GPHN: variants seen among roughly 807,000 people sequenced by gnomAD.
GPHN encodes the protein gephyrin.
A neutral mutation model predicts 95.5 loss-of-function variants in GPHN; 17 were observed. That is an observed-to-expected ratio of 0.18 (90% CI 0.12 to 0.27). The LOEUF (loss-of-function observed/expected upper bound fraction) is 0.27, where lower values mean the gene tolerates loss of function less well. Among genes scored for constraint, GPHN ranks in the 10% least tolerant of loss-of-function variants. The probability of loss-of-function intolerance (pLI) is 1.00; values close to 1 mark genes in which losing one functional copy is unlikely to be tolerated. For synonymous variants in GPHN, 320 were observed against 322.5 expected (o/e 0.99, Z 0.08); for missense variants, 660 against 978.1 (o/e 0.67, Z 4.34).
the GPHN span, among the ~76,000 whole-genome samples, chr14:67,626,488 T>C: frequency 1.1e-4 from 16 of 152,306 alleles, no homozygotes; most frequent in African/African-American, 3.4e-4. Context: ...CCTATGTATA[T>C]ACCTAACAGA....
chr14:66,965,260 C>T lies in GPHN; in HGVS notation c.898C>T (p.Pro300Ser), dbSNP rs2069241257. The change falls in exon 9 of 23, where the codon CCT becomes TCT. Residue 300 changes from proline (P) to serine (S), a missense_variant. Coordinates refer to ENST00000478722, the MANE Select transcript of GPHN (RefSeq NM_020806.5). ...AGACACAGCCTCCCTCAGCACTACT[C>T]CTTCAGAATCGCCTCGTGCTCAGGC... is the stretch of plus-strand genomic sequence containing the variant. ...PRDTASLSTT[P>S]SESPRAQATS... 2 of 1,612,564 alleles carry T rather than the reference C, an allele frequency of 1.2e-6. No homozygotes were observed. The highest frequency in any genetic ancestry group is 2.2e-5 in the East Asian group (1 of 44,870).
chr14:66,554,616 C>T (rs901367148), intron 1 of GPHN, among the ~76,000 whole-genome samples: 2 of 152,188 alleles, frequency 1.3e-5, no homozygotes, highest in African/African-American at 4.8e-5. Context: ...AGGAACCACC[C>T]TCATAATCCA....
At chr14:67,292,373 T>A in the GPHN span, 9 of 592,036 alleles carry the variant, frequency 1.5e-5, no homozygotes, top group South Asian at 1.8e-4. Flanking sequence ...ATGACCATGA[T>A]TGACAATAAT....
At chr14:66,855,762 A>G (rs2062778358) in intron 4 of GPHN, among the ~76,000 whole-genome samples, 1 of 152,064 alleles carries the variant, frequency 6.6e-6, no homozygotes, top group South Asian at 2.1e-4. Context: ...ATAGTTCTTT[A>G]TACTATAGAT....
At chr14:67,685,086 C>T in the GPHN span, 1 of 1,614,118 alleles carries the variant, frequency 6.2e-7, no homozygotes. Flanking sequence ...GGGCTCCCTG[C>T]TGAGGAGTCT....
chr14:67,399,190 T>TTTAGGTGGTTC, the GPHN span, among the ~76,000 whole-genome samples: 1 of 151,240 alleles, frequency 6.6e-6, no homozygotes, highest in Non-Finnish European at 1.5e-5. Flanking sequence ...AGAAGGGTAG[T>TTTAGGTGGTTC]TTAGGTGGTT....
intron 3 of GPHN, among the ~76,000 whole-genome samples, chr14:66,788,109 T>TACCTGAGGTCAGGAGTTCAAG (rs574357811): frequency 0.015 from 2,322 of 152,146 alleles, 32 homozygotes; most frequent in Non-Finnish European, 0.018. Context: ...GCAGGCGGAT[T>TACCTGAGGTCAGGAGTTCAAG]ACCAACCTGG....
the GPHN span, among the ~76,000 whole-genome samples, chr14:67,366,109 G>C: frequency 6.7e-6 from 1 of 149,856 alleles, no homozygotes; most frequent in African/African-American, 2.5e-5. Context: ...AAGAATTGGG[G>C]TCTTGCTCTG....
chr14:67,032,886 C>T (rs1055722220), intron 10 of GPHN, among the ~76,000 whole-genome samples: 1 of 151,916 alleles, frequency 6.6e-6, no homozygotes, highest in African/African-American at 2.4e-5. Context: ...AGGATACATG[C>T]CCAATCAAAA....
the GPHN span, among the ~76,000 whole-genome samples, chr14:67,409,051 TAA>T: frequency 4.6e-5 from 5 of 108,528 alleles, no homozygotes; most frequent in Non-Finnish European, 5.9e-5. Context: ...ATTGTCGCTA[TAA>T]AAAAAAAAAA....
chr14:67,118,944 A>T (rs1020450047), intron 16 of GPHN, among the ~76,000 whole-genome samples: 1 of 152,204 alleles, frequency 6.6e-6, no homozygotes, highest in African/African-American at 2.4e-5. Flanking sequence ...GTGTTTCACA[A>T]CTGGGAAGTC....
intron 1 of GPHN, among the ~76,000 whole-genome samples, chr14:66,676,626 G>A (rs1227327662): frequency 6.7e-6 from 1 of 148,674 alleles, no homozygotes; most frequent in East Asian, 2.0e-4. Context: ...TTTATATGTT[G>A]AACCATCCTC....
intron 8 of GPHN, among the ~76,000 whole-genome samples, chr14:66,938,425 G>A (rs2067238098): frequency 6.6e-6 from 1 of 152,022 alleles, no homozygotes; most frequent in Admixed American, 6.6e-5. Context: ...CAAACAAATA[G>A]GAAAAGAAAT....
At chr14:66,835,799 A>G (rs967315349) in intron 4 of GPHN, among the ~76,000 whole-genome samples, 6 of 152,180 alleles carry the variant, frequency 3.9e-5, no homozygotes, top group African/African-American at 1.4e-4. Flanking sequence ...CTATACACCA[A>G]CAACAGACAG....
At chr14:66,866,883 A>G (rs1292229125) in intron 4 of GPHN, among the ~76,000 whole-genome samples, 1 of 152,142 alleles carries the variant, frequency 6.6e-6, no homozygotes, top group Non-Finnish European at 1.5e-5. Flanking sequence ...TGTGAAAACT[A>G]CCAACTCAGA....
the GPHN span, among the ~76,000 whole-genome samples, chr14:67,486,480 G>A: frequency 6.6e-6 from 1 of 152,190 alleles, no homozygotes; most frequent in African/African-American, 2.4e-5. Context: ...TCACCATGTT[G>A]GCCAGGATGG....
the GPHN span, chr14:67,575,425 G>A: frequency 6.3e-4 from 1,012 of 1,609,996 alleles, 1 homozygote; most frequent in Non-Finnish European, 6.2e-4. Context: ...GGTCTGGTGC[G>A]CTCTTGTTGG....
the GPHN span, chr14:67,337,978 C>G: frequency 6.6e-6 from 1 of 152,212 alleles, no homozygotes; most frequent in Non-Finnish European, 1.5e-5. Flanking sequence ...TAGCTACCCA[C>G]TTCCTACATG....
intron 11 of GPHN, among the ~76,000 whole-genome samples, chr14:67,061,303 A>G (rs2075815771): frequency 6.6e-6 from 1 of 152,104 alleles, no homozygotes; most frequent in Non-Finnish European, 1.5e-5. Flanking sequence ...GACCTCTCAA[A>G]GTGCTCACAG....
Sources: allele counts gnomAD v4.1 joint callset (sites outside exome capture counted in the v4.1 genomes callset), GRCh38; gene constraint gnomAD v4.1.1; transcripts MANE v1.5; gene names NCBI Gene and HGNC (gene_info 2026-07-23, HGNC 2026-07-21).